RBM47: variants seen among roughly 807,000 people sequenced by gnomAD.
The protein encoded by RBM47 is RNA binding motif protein 47.
Under a neutral mutation model 47.1 loss-of-function variants are expected in RBM47, and 21 were observed. That is an observed-to-expected ratio of 0.45 (90% CI 0.32 to 0.64). The LOEUF (loss-of-function observed/expected upper bound fraction) is 0.64. RBM47 is among the 30% of genes least tolerant of loss of function. The pLI is 0.05. For missense variants in RBM47, 708 were observed against 870.9 expected (o/e 0.81, Z 2.35); for synonymous variants, 375 against 361.7 (o/e 1.04, Z -0.42).
intron 2 of RBM47, among the ~76,000 whole-genome samples, chr4:40,521,846 G>A (rs768032055): frequency 7.2e-4 from 109 of 152,136 alleles, no homozygotes; most frequent in Non-Finnish European, 1.4e-3. Context: ...AGTTAGCTCT[G>A]CTGTGCAAGG....
chr4:40,429,405 A>G (rs1354918665), intron 6 of RBM47, among the ~76,000 whole-genome samples: 1 of 152,160 alleles, frequency 6.6e-6, no homozygotes, highest in Non-Finnish European at 1.5e-5. Flanking sequence ...ATTCGTTCAT[A>G]GTATATTATT....
At chr4:40,539,524 T>A (rs962323997) in intron 2 of RBM47, among the ~76,000 whole-genome samples, 17 of 151,962 alleles carry the variant, frequency 1.1e-4, no homozygotes, top group Non-Finnish European at 2.2e-4. Flanking sequence ...GTGGATCACC[T>A]GAGGTCAGGA....
At chr4:40,450,457 C>A (rs1715235970) in intron 3 of RBM47, among the ~76,000 whole-genome samples, 1 of 151,850 alleles carries the variant, frequency 6.6e-6, no homozygotes, top group Non-Finnish European at 1.5e-5. Flanking sequence ...TAAAACTTAG[C>A]CAGGCGTGGT....
chr4:40,515,227 T>G (rs1356204224), intron 2 of RBM47, among the ~76,000 whole-genome samples: 1 of 152,144 alleles, frequency 6.6e-6, no homozygotes, highest in Non-Finnish European at 1.5e-5. Context: ...GTCAGGTGCC[T>G]CCTGGTACCA....
chr4:40,527,753 T>A (rs1726891495), intron 2 of RBM47, among the ~76,000 whole-genome samples: 1 of 129,328 alleles, frequency 7.7e-6, no homozygotes, highest in East Asian at 2.4e-4. Context: ...TGTGTGTGTG[T>A]GTGTGTGTTT....
intron 1 of RBM47, among the ~76,000 whole-genome samples, chr4:40,608,212 C>A (rs1485479961): frequency 2.0e-5 from 3 of 152,178 alleles, no homozygotes; most frequent in African/African-American, 7.2e-5. Flanking sequence ...CCCCAACTGT[C>A]CCTCCTGTGG....
intron 1 of RBM47, among the ~76,000 whole-genome samples, chr4:40,623,144 G>A (rs1737421310): frequency 6.6e-6 from 1 of 152,136 alleles, no homozygotes; most frequent in South Asian, 2.1e-4. Context: ...TAGGTTTCAG[G>A]CTGGGCTTGT....
chr4:40,535,583 C>T (rs868381032), intron 2 of RBM47, among the ~76,000 whole-genome samples: 5 of 150,886 alleles, frequency 3.3e-5, no homozygotes, highest in African/African-American at 4.9e-5. Flanking sequence ...ATTTTTCAGA[C>T]GGAGTCTAGC....
intron 2 of RBM47, chr4:40,516,080 CTTTCACAACATTT>C: frequency 6.6e-6 from 1 of 151,796 alleles, no homozygotes; most frequent in Non-Finnish European, 1.5e-5. Context: ...GCTCCTTTTG[CTTTCACAACATTT>C]CTCGTCTTGC....
chr4:40,482,206 GA>G (rs1214688886), intron 2 of RBM47, among the ~76,000 whole-genome samples: 4 of 152,182 alleles, frequency 2.6e-5, no homozygotes, highest in Non-Finnish European at 5.9e-5. Flanking sequence ...AGTCCATGGG[GA>G]AAGCTTCCTG....
chr4:40,576,673 G>A (rs1468750032), intron 1 of RBM47, among the ~76,000 whole-genome samples: 1 of 152,198 alleles, frequency 6.6e-6, no homozygotes, highest in Non-Finnish European at 1.5e-5. Flanking sequence ...CTGGCCTCAA[G>A]TGATCCTCTT....
In RBM47 at chr4:40,568,428, C is replaced by CAA. The variant is rs35434439; in HGVS notation, c.-239-23924_-239-23923dup. 3.5e-3 allele frequency among the ~76,000 whole-genome samples: 200 copies of CAA among 57,566 alleles called. 15 individuals are homozygous for CAA. Among genetic ancestry groups the CAA allele is most frequent in the Non-Finnish European group, 5.0e-3 (150 of 30,000 alleles). The allele number at this position is 57,566 out of a possible 152,430, so 37.8% of individuals were successfully genotyped here. A position where few individuals can be genotyped will look rare whatever the true frequency, so the allele number is the denominator to read the frequency against. On this transcript the variant is annotated intron_variant, in intron 1 of 6. Transcript: ENST00000295971. ...TAGGTAACATGGTAAAACCCTGTCT[C>CAA]AAAAAAAAAAAAAAAAAAAAAAAAA... is the stretch of plus-strand genomic sequence containing the variant.
chr4:40,497,855 T>C (rs966358258), intron 2 of RBM47, among the ~76,000 whole-genome samples: 72 of 147,954 alleles, frequency 4.9e-4, no homozygotes, highest in Non-Finnish European at 9.1e-4. Flanking sequence ...TGGTGGCACA[T>C]GTCTATGGTT....
In RBM47 at chr4:40,423,688, C is replaced by G. The variant is rs1054034039; in HGVS notation, c.*2216G>C. The G allele has an allele frequency of 9.4e-6, 1 of 106,710 alleles. No individual in the cohort carries two copies. The highest frequency in any genetic ancestry group is 1.8e-5 in the Non-Finnish European group (1 of 54,628). 6.6% of individuals were successfully genotyped at this position (106,710 alleles called of 1,614,324 possible). Reference sequence around the variant, plus strand: ...TCTTTCTTTCTTTCTTTCTTTCTTTCTTTCTTTCTTTCTTTCTTTCTTTCT... The same window carrying G: ...TCTTTCTTTCTTTCTTTCTTTCTTTGTTTCTTTCTTTCTTTCTTTCTTTCT... On this transcript the variant is annotated 3_prime_UTR_variant, in exon 7 of 7. Coordinates refer to ENST00000295971, the MANE Select transcript of RBM47 (RefSeq NM_001098634.2).
intron 3 of RBM47, among the ~76,000 whole-genome samples, chr4:40,460,126 T>G (rs1371012596): frequency 1.3e-5 from 2 of 151,966 alleles, no homozygotes; most frequent in East Asian, 1.9e-4. Flanking sequence ...CAACCCCTAA[T>G]GGATTATATT....
chr4:40,439,931 C>T (rs972242908), intron 3 of RBM47, among the ~76,000 whole-genome samples: 1 of 152,174 alleles, frequency 6.6e-6, no homozygotes, highest in Non-Finnish European at 1.5e-5. Context: ...CATGTGGCTA[C>T]TGAGCACTTG....
chr4:40,595,026 G>A (rs950730919), intron 1 of RBM47, among the ~76,000 whole-genome samples: 6 of 152,254 alleles, frequency 3.9e-5, no homozygotes, highest in African/African-American at 1.4e-4. Context: ...CCAAGGTCTC[G>A]TAGCTAACAG....
chr4:40,480,857 G>A (rs889162947), intron 2 of RBM47, among the ~76,000 whole-genome samples: 2 of 152,258 alleles, frequency 1.3e-5, no homozygotes, highest in South Asian at 4.2e-4. Context: ...AAAAGAGAAA[G>A]TTCAGAATAC....
chr4:40,555,433 A>C (rs1198114762), intron 1 of RBM47, among the ~76,000 whole-genome samples: 1 of 152,238 alleles, frequency 6.6e-6, no homozygotes, highest in Non-Finnish European at 1.5e-5. Context: ...CTGAGTGTCC[A>C]TTCGCTCTGC....
Sources: gnomAD v4.1 joint callset for allele counts (sites outside exome capture counted in the v4.1 genomes callset) on GRCh38, gnomAD v4.1.1 for gene constraint, MANE v1.5 for transcripts, NCBI Gene and HGNC (gene_info 2026-07-23, HGNC 2026-07-21) for gene names.